Variants in SPTBN5 observed in about 807,000 individuals in gnomAD.
SPTBN5 encodes the protein spectrin beta chain, non-erythrocytic 5.
SPTBN5 carries 513 observed loss-of-function variants against 477.6 expected under a neutral mutation model. The observed-to-expected ratio is 1.07, with a 90% confidence interval of 1.00 to 1.16. The LOEUF is 1.16. SPTBN5 is among the 50% of genes most tolerant of loss of function. The pLI is 0.00. For synonymous variants in SPTBN5, 2,169 were observed against 2,011.7 expected (o/e 1.08, Z -2.09); for missense variants, 5,062 against 4,731.8 (o/e 1.07, Z -2.05).
chr15:41,862,482 G>T, intron 43 of SPTBN5, 57 bp downstream of exon 43: 1 of 1,562,464 alleles, frequency 6.4e-7, no homozygotes, highest in Non-Finnish European at 8.7e-7. Context: ...GAGGGGAGGT[G>T]TGGGGACTGA....
chr15:41,880,569 G>A (rs115668233), intron 13 of SPTBN5, among the ~76,000 whole-genome samples: 1,655 of 152,310 alleles, frequency 0.011, 29 homozygotes, highest in African/African-American at 0.037. Flanking sequence ...TTGCCCTGCT[G>A]AAACCTCTCA....
intron 7 of SPTBN5, among the ~76,000 whole-genome samples, chr15:41,884,137 C>T (rs2067074296): frequency 6.6e-6 from 1 of 152,212 alleles, no homozygotes; most frequent in Non-Finnish European, 1.5e-5. Flanking sequence ...AGGTGCCCGC[C>T]ACCACACCTG....
chr15:41,851,854 AAAATGCAAGATGGGGCCCAG>A lies in SPTBN5; in HGVS notation c.10585-24_10585-5del. On this transcript the variant is annotated splice_polypyrimidine_tract_variant and splice_region_variant and intron_variant, in intron 62 of 67. Coordinates refer to ENST00000320955, the MANE Select transcript of SPTBN5 (RefSeq NM_016642.4). ...TGGTGGGGGTACCCTTTGCATCCTG[AAAATGCAAGATGGGGCCCAG>A]AAATGTCAGGACCAGCACCCTCAGG... 6.2e-7 allele frequency: 1 copy of A among 1,608,430 alleles called. No homozygotes were observed. Among genetic ancestry groups the A allele is most frequent in the Non-Finnish European group, 8.5e-7 (1 of 1,178,206 alleles).
Position 41,852,953 on chromosome 15 carries a change from C to T in SPTBN5, c.10218G>A (p.Glu3406=). The T allele has an allele frequency of 6.4e-7, 1 of 1,574,376 alleles. No homozygotes were observed. Among genetic ancestry groups the T allele is most frequent in the East Asian group, 2.3e-5 (1 of 42,662 alleles). The stretch of plus-strand genomic sequence containing the variant: ...GTTGCCAGCGCAGGGCCCAAGCCTC[C>T]TCCAGCTCCTGCAGCCGCCCTTCCA... ...QELEGRLQEL[E]EAWALRWQRC... is the part of the protein sequence containing the mutation. Residue 3406 remains glutamate (E), a synonymous_variant, in exon 60 of 68, where the codon GAG becomes GAA. Coordinates refer to ENST00000320955, the MANE Select transcript of SPTBN5 (RefSeq NM_016642.4).
chr15:41,873,423 G>T, intron 26 of SPTBN5, 69 bp downstream of exon 26: 3 of 1,196,792 alleles, frequency 2.5e-6, no homozygotes, highest in South Asian at 1.4e-5. Context: ...GAGAGGGAGG[G>T]TGACAGCCCT....
Position 41,856,492 on chromosome 15 carries a change from G to A in SPTBN5, c.8915C>T (p.Ala2972Val), listed in dbSNP as rs374907997. The stretch of plus-strand genomic sequence containing the variant: ...GGCCTTCTCCAGCTGCTGCACCCGG[G>A]CGGCCACCTCGTGGGCGGCAAAGTG... The part of the protein sequence containing the change: ...AGHFAAHEVA[A>V]RVQQLEKAMA... Residue 2972 changes from alanine to valine, a missense_variant, in exon 53 of 68, where the codon GCC (alanine) becomes GTC (valine). Coordinates refer to ENST00000320955, the MANE Select transcript of SPTBN5 (RefSeq NM_016642.4). The A allele has an allele frequency of 7.5e-6, 12 of 1,597,558 alleles. No homozygotes were observed. The highest frequency in any genetic ancestry group is 7.7e-6 in the Non-Finnish European group (9 of 1,173,420).
At chr15:41,879,194 A>T in intron 16 of SPTBN5, 66 bp downstream of exon 16, 1 of 1,542,302 alleles carries the variant, frequency 6.5e-7, no homozygotes, top group Non-Finnish European at 8.8e-7. Context: ...TCCTCATTCC[A>T]CTGCCCTGCC....
rs1555467546 is a variant in SPTBN5 at position 41,876,653 on chromosome 15, G to GGGC, written c.3852-9_3852-7dup. ...TCTGCAGCTGCTCTCTGACCCTGGAGGGCGGGGGGGGGTTGGAGGAGGGCA... is the reference window on the plus strand; with the variant it reads ...TCTGCAGCTGCTCTCTGACCCTGGAGGGCGGCGGGGGGGGGTTGGAGGAGGGCA... On this transcript the variant is annotated splice_polypyrimidine_tract_variant and splice_region_variant and intron_variant, in intron 19 of 67. Transcript: ENST00000320955. The GGGC allele has an allele frequency of 1.3e-6, 2 of 1,503,008 alleles. No individual in the cohort carries two copies. Among genetic ancestry groups the GGGC allele is most frequent in the Non-Finnish European group, 1.8e-6 (2 of 1,099,774 alleles). 93.1% of individuals were successfully genotyped at this position (1,503,008 alleles called of 1,614,324 possible).
intron 10 of SPTBN5, 28 bp downstream of exon 10, chr15:41,882,557 C>CCGGCGGG (rs1462814403): frequency 6.3e-7 from 1 of 1,583,278 alleles, no homozygotes; most frequent in East Asian, 2.3e-5. Flanking sequence ...GCGCTGGCGA[C>CCGGCGGG]CGGCGGGCGC....
In SPTBN5 at chr15:41,866,449, C is replaced by A; in HGVS notation, c.6525G>T (p.Pro2175=). ...TATCTCTCAGGTCCCCAGGAGGGAC[C>A]GGCTCCTTCAGCTGCTGGGCCCACG... ...IQAWAQQLKE[P]VPPGDLRDKL... Residue 2175 remains proline (P), a synonymous_variant, in exon 37 of 68, where the codon CCG becomes CCT. Coordinates refer to ENST00000320955, the MANE Select transcript of SPTBN5 (RefSeq NM_016642.4). The A allele has an allele frequency of 1.3e-6, 2 of 1,599,860 alleles. No homozygotes were observed. The highest frequency in any genetic ancestry group is 2.2e-5 in the South Asian group (2 of 88,972).
At chr15:41,882,811 T>G (rs1195515567) in intron 9 of SPTBN5, 73 bp from the exon 10 acceptor site, 2 of 1,530,274 alleles carry the variant, frequency 1.3e-6, no homozygotes, top group East Asian at 4.6e-5. Flanking sequence ...CCTCCGGGTT[T>G]AGACACTCCC....
At chr15:41,848,950 G>A (rs962481813) in intron 67 of SPTBN5, among the ~76,000 whole-genome samples, 8 of 152,040 alleles carry the variant, frequency 5.3e-5, no homozygotes, top group South Asian at 2.1e-4. Context: ...GGCCTGTCCC[G>A]TCAGCAACAC....
At chr15:41,890,232 C>G (rs2067269239) in intron 3 of SPTBN5, 27 bp from the exon 4 acceptor site, 1 of 1,498,432 alleles carries the variant, frequency 6.7e-7, no homozygotes. Context: ...ATGGGCTAAG[C>G]CATGAAGCCC....
chr15:41,875,749 G>T, intron 21 of SPTBN5, 127 bp from the exon 22 acceptor site: 1 of 1,012,512 alleles, frequency 9.9e-7, no homozygotes, highest in South Asian at 1.7e-5. Flanking sequence ...CGGGCTGCCT[G>T]GAAGAAAGCA....
At position 41,876,227 on chromosome 15, in the gene SPTBN5, C is replaced by G. The variant is rs1386603687; in HGVS notation, c.4009G>C (p.Ala1337Pro). ...MQWMEEKGLM[A>P]AHEPSGARRN... ...CGCGCTCCGGAGGGCTCATGCGCAG[C>G]CATCAGCCCCTTCTCTTCCATCCAC... The change falls in exon 21 of 68, where the codon GCT becomes CCT. Residue 1337 changes from alanine to proline, a missense_variant. Transcript: ENST00000320955. 1 of 1,602,352 alleles carries G rather than the reference C, an allele frequency of 6.2e-7. No homozygotes were observed. The highest frequency in any genetic ancestry group is 8.5e-7 in the Non-Finnish European group (1 of 1,178,002).
At chr15:41,882,227 G>GCCC in intron 11 of SPTBN5, 42 bp downstream of exon 11, 4 of 942,942 alleles carry the variant, frequency 4.2e-6, no homozygotes, top group Middle Eastern at 3.6e-4. Context: ...CCCCCGCCTC[G>GCCC]CCGGGCCCCG....
intron 32 of SPTBN5, 109 bp from the exon 33 acceptor site, chr15:41,868,710 C>G (rs1200268360): frequency 8.9e-7 from 1 of 1,123,568 alleles, no homozygotes; most frequent in Non-Finnish European, 1.3e-6. Flanking sequence ...ACAGCCCGAG[C>G]CGACCTGGGT....
chr15:41,851,084 C>T lies in SPTBN5; in HGVS notation c.10810G>A (p.Gly3604Ser), dbSNP rs550081116. ...CTTAAGGAGAATGTGTGTTTCCTGC[C>T]GTGGCGGCCCCGCAGCCTCTCACAC... ...ARCERLRGRH[G>S]RKHTFSLRLT... Residue 3604 changes from glycine (G) to serine (S), a missense_variant, in exon 65 of 68, where the codon GGC becomes AGC. By Grantham distance (56) the Gly-to-Ser change is moderately conservative. Coordinates refer to ENST00000320955, the MANE Select transcript of SPTBN5 (RefSeq NM_016642.4). The T allele has an allele frequency of 6.6e-5, 106 of 1,612,832 alleles. No homozygotes were observed. In the South Asian group the frequency reaches 9.7e-4, roughly 15 times the overall value.
chr15:41,887,514 A>G (rs2067193066), intron 5 of SPTBN5, 73 bp from the exon 6 acceptor site: 1 of 1,189,344 alleles, frequency 8.4e-7, no homozygotes, highest in African/African-American at 1.5e-5. Flanking sequence ...TCTTAAATGC[A>G]CTCATGCTCC....
Sources: allele counts gnomAD v4.1 joint callset (sites outside exome capture counted in the v4.1 genomes callset), GRCh38; gene constraint gnomAD v4.1.1; transcripts MANE v1.5; gene names NCBI Gene and HGNC (gene_info 2026-07-23, HGNC 2026-07-21).